Variants in GABPB2 observed in about 807,000 individuals in gnomAD.
The protein encoded by GABPB2 is GA binding protein transcription factor subunit beta 2.
A neutral mutation model predicts 39.1 loss-of-function variants in GABPB2; 23 were observed. The ratio of observed to expected loss-of-function variants is 0.59; its 90% CI spans 0.42 to 0.83. The LOEUF (loss-of-function observed/expected upper bound fraction) is 0.83. Ranked by LOEUF, GABPB2 falls within the 40% of genes least tolerant of loss-of-function variation. GABPB2 has a pLI of 0.00. For synonymous variants in GABPB2, 184 were observed against 199.3 expected (o/e 0.92, Z 0.65); for missense variants, 467 against 541.1 (o/e 0.86, Z 1.36).
intron 1 of GABPB2, among the ~76,000 whole-genome samples, chr1:151,072,072 C>A (rs1014669081): frequency 1.3e-5 from 2 of 152,200 alleles, no homozygotes; most frequent in Admixed American, 1.3e-4. Flanking sequence ...CTTGGTCCAC[C>A]CAATCCAGTA....
Position 151,107,500 on chromosome 1 carries a change from CT to C in GABPB2, c.922+293del, listed in dbSNP as rs764912164. 4.1e-3 allele frequency among the ~76,000 whole-genome samples: 580 copies of C among 143,090 alleles called. 3 individuals carry two copies. Among genetic ancestry groups the C allele is most frequent in the South Asian group, 0.017 (78 of 4,572 alleles). The allele number at this position is 143,090 out of a possible 152,430, so 93.9% of individuals were successfully genotyped here. On this transcript the variant is annotated intron_variant, in intron 7 of 8. Coordinates refer to ENST00000368918, the MANE Select transcript of GABPB2 (RefSeq NM_144618.3). Reference sequence around the variant, plus strand: ...ACAGAAAAAAAATGTACTGATGGCTCTTTTTTTTTTTTTTTCTTCAGAAGGG... The same window carrying C: ...ACAGAAAAAAAATGTACTGATGGCTCTTTTTTTTTTTTTTCTTCAGAAGGG...
chr1:151,078,113 A>G (rs914830715), intron 1 of GABPB2, among the ~76,000 whole-genome samples: 34 of 151,322 alleles, frequency 2.2e-4, no homozygotes, highest in African/African-American at 8.3e-4. Flanking sequence ...TCTACTAAAA[A>G]TACAAAATTA....
chr1:151,085,092 G>A (rs916456074), intron 1 of GABPB2, among the ~76,000 whole-genome samples: 18 of 149,942 alleles, frequency 1.2e-4, no homozygotes, highest in Admixed American at 1.0e-3. Flanking sequence ...GCAAGAACCC[G>A]TCTCAAAAAT....
Position 151,123,523 on chromosome 1 carries a change from G to A in GABPB2, c.*5267G>A, listed in dbSNP as rs1458851827. On this transcript the variant is annotated 3_prime_UTR_variant, in exon 9 of 9. Coordinates refer to ENST00000368918, the MANE Select transcript of GABPB2 (RefSeq NM_144618.3). The stretch of plus-strand genomic sequence containing the variant: ...TGGATCAGAATTGGTGCTTGAGCAA[G>A]AGAAACTTCGAGCTTAGGATGGTTG... The A allele has an allele frequency of 1.3e-5, 2 of 151,582 alleles. No homozygotes were observed. Among genetic ancestry groups the A allele is most frequent in the Non-Finnish European group, 2.9e-5 (2 of 67,954 alleles). 9.4% of individuals were successfully genotyped at this position (151,582 alleles called of 1,614,324 possible). A position where few individuals can be genotyped will look rare whatever the true frequency, so the allele number is the denominator to read the frequency against.
chr1:151,078,098 C>G (rs587639992), intron 1 of GABPB2, among the ~76,000 whole-genome samples: 1 of 150,828 alleles, frequency 6.6e-6, no homozygotes, highest in African/African-American at 2.4e-5. Flanking sequence ...TGGTGAAATC[C>G]TGTCTCTACT....
In GABPB2 at chr1:151,122,870, A is replaced by C. The variant is rs1681232505; in HGVS notation, c.*4614A>C. On this transcript the variant is annotated 3_prime_UTR_variant, in exon 9 of 9. Coordinates refer to ENST00000368918, the MANE Select transcript of GABPB2 (RefSeq NM_144618.3). ...GAGGGAGAGAATGGAGGTATCTGAA[A>C]ATAAGTAAGAAAAAGGCATTGATTT... The C allele has an allele frequency of 6.6e-6, 1 of 152,138 alleles. No individual in the cohort carries two copies. Among genetic ancestry groups the C allele is most frequent in the South Asian group, 2.1e-4 (1 of 4,828 alleles). The allele number at this position is 152,138 out of a possible 1,614,324, so 9.4% of individuals were successfully genotyped here.
At chr1:151,084,182 A>G (rs1571905619) in intron 1 of GABPB2, among the ~76,000 whole-genome samples, 1 of 150,464 alleles carries the variant, frequency 6.6e-6, no homozygotes, top group East Asian at 1.9e-4. Context: ...TAAATGCTGC[A>G]ATTGCAGGCG....
At chr1:151,079,789 G>A (rs587711609) in intron 1 of GABPB2, among the ~76,000 whole-genome samples, 77 of 151,998 alleles carry the variant, frequency 5.1e-4, no homozygotes, top group African/African-American at 1.9e-3. Context: ...CCAGCTACTC[G>A]GGAGGCTGAG....
At chr1:151,093,111 A>C (rs1371556095) in intron 3 of GABPB2, 81 bp from the exon 4 acceptor site, 4 of 1,084,654 alleles carry the variant, frequency 3.7e-6, no homozygotes, top group Non-Finnish European at 3.9e-6. Context: ...CTCTATGGAA[A>C]TCCTCTGTAT....
intron 1 of GABPB2, among the ~76,000 whole-genome samples, chr1:151,079,560 A>T (rs1677470506): frequency 6.6e-6 from 1 of 151,854 alleles, no homozygotes; most frequent in African/African-American, 2.4e-5. Context: ...ATATATAAAT[A>T]CGATAAATGT....
chr1:151,071,372 C>A (rs1676697055), intron 1 of GABPB2, among the ~76,000 whole-genome samples: 1 of 151,546 alleles, frequency 6.6e-6, no homozygotes, highest in African/African-American at 2.4e-5. Flanking sequence ...ATTATCTGAC[C>A]CAAATAATGA....
At chr1:151,090,811 G>A (rs1483711397) in intron 3 of GABPB2, among the ~76,000 whole-genome samples, 1 of 151,714 alleles carries the variant, frequency 6.6e-6, no homozygotes, top group Non-Finnish European at 1.5e-5. Flanking sequence ...GACCAACATG[G>A]TGAAACCCCA....
intron 6 of GABPB2, among the ~76,000 whole-genome samples, chr1:151,106,168 G>A (rs902058111): frequency 6.6e-6 from 1 of 151,278 alleles, no homozygotes; most frequent in Non-Finnish European, 1.5e-5. Context: ...CACCATGTTG[G>A]CCAGGCTGGT....
intron 5 of GABPB2, among the ~76,000 whole-genome samples, 179 bp downstream of exon 5, chr1:151,098,181 T>C (rs952242023): frequency 6.6e-6 from 1 of 152,186 alleles, no homozygotes; most frequent in African/African-American, 2.4e-5. Context: ...GGGAAGATCA[T>C]ACATAGGGAT....
At chr1:151,094,327 C>T (rs1678941529) in intron 4 of GABPB2, among the ~76,000 whole-genome samples, 1 of 151,626 alleles carries the variant, frequency 6.6e-6, no homozygotes, top group African/African-American at 2.4e-5. Flanking sequence ...GCTGGGATTA[C>T]AAGTGTCAGC....
At chr1:151,111,104 C>G (rs61819218) in intron 7 of GABPB2, among the ~76,000 whole-genome samples, 2,183 of 152,184 alleles carry the variant, frequency 0.014, 25 homozygotes, top group Non-Finnish European at 0.023. Context: ...CACGGTGAAA[C>G]CCCATGTCTA....
chr1:151,097,201 C>T (rs1266205816), intron 4 of GABPB2, among the ~76,000 whole-genome samples: 5 of 151,864 alleles, frequency 3.3e-5, no homozygotes, highest in African/African-American at 9.7e-5. Context: ...CATGAGCCAC[C>T]GTGCCTGGCC....
chr1:151,083,885 C>A (rs1021294996), intron 1 of GABPB2, among the ~76,000 whole-genome samples: 4 of 150,132 alleles, frequency 2.7e-5, no homozygotes, highest in African/African-American at 9.7e-5. Context: ...TCATTACAGG[C>A]ACCCGCCACC....
In GABPB2 at chr1:151,122,427, T is replaced by G. The variant is rs772796814; in HGVS notation, c.*4171T>G. 8 of 152,194 alleles carry G rather than the reference T, an allele frequency of 5.3e-5. No homozygotes were observed. The highest frequency in any genetic ancestry group is 1.2e-4 in the Non-Finnish European group (8 of 68,040). The allele number at this position is 152,194 out of a possible 1,614,324, so 9.4% of individuals were successfully genotyped here. A position where few individuals can be genotyped will look rare whatever the true frequency, so the allele number is the denominator to read the frequency against. On this transcript the variant is annotated 3_prime_UTR_variant, in exon 9 of 9. Coordinates refer to ENST00000368918, the MANE Select transcript of GABPB2 (RefSeq NM_144618.3). Reference sequence around the variant, plus strand: ...CTGAGTCCCTTTGGGAACCAGGTGCTAACAAGAAGCTGTTATGTGTGGGAT... The same window carrying G: ...CTGAGTCCCTTTGGGAACCAGGTGCGAACAAGAAGCTGTTATGTGTGGGAT...
Sources: allele counts gnomAD v4.1 joint callset (sites outside exome capture counted in the v4.1 genomes callset), GRCh38; gene constraint gnomAD v4.1.1; transcripts MANE v1.5; gene names NCBI Gene and HGNC (gene_info 2026-07-23, HGNC 2026-07-21).